Variants in LOXL2 observed in about 807,000 individuals in gnomAD.
LOXL2 encodes the protein lysyl oxidase homolog 2.
A neutral mutation model predicts 93.0 loss-of-function variants in LOXL2; 70 were observed. The observed-to-expected ratio is 0.75, with a 90% CI of 0.62 to 0.92. The LOEUF (loss-of-function observed/expected upper bound fraction) is 0.92, where lower values mean the gene tolerates loss of function less well. LOXL2 is among the 40% of genes least tolerant of loss of function. The pLI is 0.00. For missense variants in LOXL2, 973 were observed against 1,054.9 expected (o/e 0.92, Z 1.08); for synonymous variants, 438 against 413.2 (o/e 1.06, Z -0.73).
At chr8:23,328,267 T>A in intron 6 of LOXL2, 115 bp downstream of exon 6, 1 of 1,150,084 alleles carries the variant, frequency 8.7e-7, no homozygotes, top group Non-Finnish European at 1.3e-6. Context: ...AGGCAGCCAC[T>A]AAAGGGAGGA....
intron 1 of LOXL2, among the ~76,000 whole-genome samples, chr8:23,401,645 A>G (rs1377262901): frequency 6.6e-6 from 1 of 152,230 alleles, no homozygotes; most frequent in African/African-American, 2.4e-5. Context: ...TTGAGAATAA[A>G]AAATAAACAA....
At chr8:23,319,789 G>A in intron 8 of LOXL2, 96 bp downstream of exon 8, 11 of 1,366,270 alleles carry the variant, frequency 8.1e-6, no homozygotes, top group Non-Finnish European at 1.1e-5. Context: ...TGCCTGCACG[G>A]CTAGGGAGGG....
At chr8:23,349,232 G>A (rs1804049920) in intron 3 of LOXL2, among the ~76,000 whole-genome samples, 1 of 152,174 alleles carries the variant, frequency 6.6e-6, no homozygotes, top group South Asian at 2.1e-4. Flanking sequence ...GGCCTGTGCT[G>A]TCTCCTCGCC....
intron 1 of LOXL2, among the ~76,000 whole-genome samples, chr8:23,381,754 G>A (rs905763387): frequency 2.0e-5 from 3 of 152,204 alleles, no homozygotes; most frequent in Non-Finnish European, 2.9e-5. Context: ...CTGGGTGACC[G>A]CGCTGCCTCC....
At chr8:23,327,804 C>A (rs1184684766) in intron 6 of LOXL2, among the ~76,000 whole-genome samples, 1 of 152,194 alleles carries the variant, frequency 6.6e-6, no homozygotes, top group African/African-American at 2.4e-5. Context: ...GAAAGCCTCC[C>A]TTCCGTTTTT....
Position 23,297,886 on chromosome 8 carries a change from T to C in LOXL2, c.*157A>G, listed in dbSNP as rs2117133819. On this transcript the variant is annotated 3_prime_UTR_variant, in exon 14 of 14. Coordinates refer to ENST00000389131, the MANE Select transcript of LOXL2 (RefSeq NM_002318.3). The stretch of plus-strand genomic sequence containing the variant: ...CCCCCATGAATGATGGGAGGGTCCC[T>C]TTCCTCCTGAGCTTAGACACAGCTG... 1 of 603,628 alleles carries C rather than the reference T, an allele frequency of 1.7e-6. No homozygotes were observed. The highest frequency in any genetic ancestry group is 2.9e-6 in the Non-Finnish European group (1 of 340,804). 37.4% of individuals were successfully genotyped at this position (603,628 alleles called of 1,614,324 possible).
chr8:23,381,892 C>T (rs1408039158), intron 1 of LOXL2, among the ~76,000 whole-genome samples: 1 of 152,224 alleles, frequency 6.6e-6, no homozygotes, highest in African/African-American at 2.4e-5. Flanking sequence ...ACTGGGCCCC[C>T]AAGCCTAACA....
At chr8:23,302,843 C>A (rs1266386498) in intron 11 of LOXL2, among the ~76,000 whole-genome samples, 1 of 151,714 alleles carries the variant, frequency 6.6e-6, no homozygotes, top group African/African-American at 2.4e-5. Flanking sequence ...GCCACACCTG[C>A]CGGGACGGGG....
intron 1 of LOXL2, among the ~76,000 whole-genome samples, chr8:23,403,661 T>G: frequency 6.6e-6 from 1 of 150,574 alleles, no homozygotes. Context: ...CTGTCCCGCC[T>G]GATTACGGGC....
At chr8:23,299,410 C>G (rs538251639) in intron 12 of LOXL2, among the ~76,000 whole-genome samples, 2 of 152,304 alleles carry the variant, frequency 1.3e-5, no homozygotes, top group East Asian at 3.9e-4. Context: ...GTCCCTTCCT[C>G]TCTCTGTAAA....
At chr8:23,346,180 A>T (rs866904962) in intron 3 of LOXL2, among the ~76,000 whole-genome samples, 12 of 119,062 alleles carry the variant, frequency 1.0e-4, no homozygotes, top group African/African-American at 4.4e-4. Flanking sequence ...AAATAAATAA[A>T]ATAATAAAAT....
At chr8:23,303,114 A>G (rs573525315) in intron 11 of LOXL2, among the ~76,000 whole-genome samples, 168 bp downstream of exon 11, 44 of 152,084 alleles carry the variant, frequency 2.9e-4, no homozygotes, top group African/African-American at 1.0e-3. Context: ...GGTCATGCCC[A>G]TGCCCCCAGC....
chr8:23,346,137 T>TAATAAAAAAAAAA (rs879817966), intron 3 of LOXL2, among the ~76,000 whole-genome samples: 2 of 75,710 alleles, frequency 2.6e-5, no homozygotes, highest in Admixed American at 1.1e-4. Context: ...TAAAATAAAA[T>TAATAAAAAAAAAA]AAAATAAATA....
At chr8:23,307,488 G>A (rs1048513476) in intron 10 of LOXL2, among the ~76,000 whole-genome samples, 3 of 152,314 alleles carry the variant, frequency 2.0e-5, no homozygotes, top group African/African-American at 7.2e-5. Flanking sequence ...CAGGCAGGGA[G>A]CCAGGGTCTC....
At chr8:23,365,421 CAAAT>C (rs1184466911) in intron 2 of LOXL2, 2 of 151,918 alleles carry the variant, frequency 1.3e-5, no homozygotes, top group Non-Finnish European at 2.9e-5. Context: ...TGGTGAAATT[CAAAT>C]AAATTTAGAT....
chr8:23,336,811 C>T (rs997722160), intron 4 of LOXL2: 2 of 150,820 alleles, frequency 1.3e-5, no homozygotes, highest in African/African-American at 4.9e-5. Flanking sequence ...GCCAGTAGTC[C>T]AAAAGATCTG....
chr8:23,354,586 C>T (rs1804152451), intron 3 of LOXL2, among the ~76,000 whole-genome samples: 1 of 123,640 alleles, frequency 8.1e-6, no homozygotes, highest in Non-Finnish European at 1.6e-5. Context: ...GGCATCCCTT[C>T]TCTGTGTGTG....
At chr8:23,370,245 A>ATCCCC (rs1804473954) in intron 1 of LOXL2, among the ~76,000 whole-genome samples, 1 of 151,880 alleles carries the variant, frequency 6.6e-6, no homozygotes, top group Non-Finnish European at 1.5e-5. Flanking sequence ...ACGCGCCTCC[A>ATCCCC]TCCCCTCCCC....
chr8:23,304,870 C>T (rs1563184429), intron 10 of LOXL2, among the ~76,000 whole-genome samples: 1 of 152,152 alleles, frequency 6.6e-6, no homozygotes, highest in South Asian at 2.1e-4. Context: ...GCACGGGGAA[C>T]GGGGAAGACA....
Sources: gnomAD v4.1 joint callset for allele counts (sites outside exome capture counted in the v4.1 genomes callset) on GRCh38, gnomAD v4.1.1 for gene constraint, MANE v1.5 for transcripts, NCBI Gene and HGNC (gene_info 2026-07-23, HGNC 2026-07-21) for gene names.